Variants in TLN2 observed in about 807,000 individuals in gnomAD.
The protein encoded by TLN2 is talin-2.
Under a neutral mutation model 294.7 loss-of-function variants are expected in TLN2, and 118 were observed. The ratio of observed to expected loss-of-function variants is 0.40; its 90% CI spans 0.34 to 0.47. The LOEUF is 0.47. Ranked by LOEUF, TLN2 falls within the 20% of genes least tolerant of loss-of-function variation. The pLI, the probability that TLN2 is intolerant of heterozygous loss-of-function variation, is 0.84. For synonymous variants in TLN2, 1,431 were observed against 1,304.5 expected, an observed-to-expected ratio of 1.10 and a Z score of -2.09; for missense variants, 3,083 against 3,282.2, an observed-to-expected ratio of 0.94 and a Z score of 1.48.
intron 34 of TLN2, 101 bp downstream of exon 34, chr15:62,750,592 G>T: frequency 2.0e-6 from 2 of 991,022 alleles, no homozygotes; most frequent in Admixed American, 3.5e-5. Context: ...CTGGTCTGCA[G>T]GGCTAGCCAC....
chr15:62,713,271 C>CAA (rs541064329), intron 22 of TLN2, among the ~76,000 whole-genome samples: 4,725 of 110,758 alleles, frequency 0.043, 200 homozygotes, highest in Admixed American at 0.1. Context: ...ACCTGCGTCT[C>CAA]AAAAAAAAAA....
intron 1 of TLN2, among the ~76,000 whole-genome samples, chr15:62,419,223 T>A (rs1267142485): frequency 6.6e-6 from 1 of 152,248 alleles, no homozygotes; most frequent in Middle Eastern, 3.2e-3. Flanking sequence ...TTTAGATATA[T>A]TGAGTTAAAT....
chr15:62,727,046 C>G, intron 27 of TLN2, 41 bp from the exon 28 acceptor site: 1 of 1,600,394 alleles, frequency 6.2e-7, no homozygotes, highest in Admixed American at 1.7e-5. Context: ...GCAGATGTTC[C>G]TTTTCTTCTA....
At chr15:62,648,156 C>G (rs958365909) in intron 4 of TLN2, among the ~76,000 whole-genome samples, 1 of 152,038 alleles carries the variant, frequency 6.6e-6, no homozygotes, top group African/African-American at 2.4e-5. Flanking sequence ...CATGGTGGCT[C>G]ACACCTGTAA....
At chr15:62,407,865 A>C (rs2033509877) in intron 1 of TLN2, among the ~76,000 whole-genome samples, 1 of 152,112 alleles carries the variant, frequency 6.6e-6, no homozygotes, top group South Asian at 2.1e-4. Context: ...TGGTGAGCTA[A>C]GATCACACCA....
intron 1 of TLN2, among the ~76,000 whole-genome samples, chr15:62,470,083 CAGA>C (rs1250691797): frequency 2.0e-5 from 3 of 152,190 alleles, no homozygotes; most frequent in African/African-American, 7.2e-5. Flanking sequence ...CTGCCAATTC[CAGA>C]AGGACAAAGG....
intron 52 of TLN2, 61 bp from the exon 53 acceptor site, chr15:62,819,455 T>G (rs957125919): frequency 5.0e-6 from 7 of 1,406,704 alleles, no homozygotes; most frequent in African/African-American, 1.4e-5. Context: ...AGGAGTGTGC[T>G]TCTTTCCTGT....
Position 62,844,497 on chromosome 15 carries a change from C to T in TLN2, c.*3887C>T, listed in dbSNP as rs1460377437. 1 of 152,124 alleles carries T rather than the reference C, an allele frequency of 6.6e-6. No homozygotes were observed. Among genetic ancestry groups the T allele is most frequent in the Non-Finnish European group, 1.5e-5 (1 of 68,068 alleles). 9.4% of individuals were successfully genotyped at this position (152,124 alleles called of 1,614,324 possible). A position where few individuals can be genotyped will look rare whatever the true frequency, so the allele number is the denominator to read the frequency against. On this transcript the variant is annotated 3_prime_UTR_variant, in exon 59 of 59. Coordinates refer to ENST00000636159, the MANE Select transcript of TLN2 (RefSeq NM_015059.3). ...CTGGGTCTCATTCAGCGGCCTCTCACCAACCTTCAAGATCCAGAAGAAAAC... is the reference window on the plus strand; with the variant it reads ...CTGGGTCTCATTCAGCGGCCTCTCATCAACCTTCAAGATCCAGAAGAAAAC...
intron 36 of TLN2, chr15:62,754,137 A>G: frequency 1.9e-6 from 1 of 519,584 alleles, no homozygotes; most frequent in Non-Finnish European, 3.2e-6. Context: ...CCAGAAGGCA[A>G]AAGGAGTGAA....
chr15:62,534,401 T>C (rs753701823), intron 1 of TLN2, among the ~76,000 whole-genome samples: 114 of 152,190 alleles, frequency 7.5e-4, no homozygotes, highest in Admixed American at 2.3e-3. Flanking sequence ...CTCAATTTAA[T>C]TTGCTAGAAC....
chr15:62,430,085 A>G (rs1439871175), intron 1 of TLN2, among the ~76,000 whole-genome samples: 1 of 152,240 alleles, frequency 6.6e-6, no homozygotes, highest in East Asian at 1.9e-4. Context: ...GAATGTATAT[A>G]TAAGTGTACA....
At chr15:62,725,772 C>G (rs914574908) in intron 27 of TLN2, among the ~76,000 whole-genome samples, 1 of 152,168 alleles carries the variant, frequency 6.6e-6, no homozygotes, top group Non-Finnish European at 1.5e-5. Context: ...AGTTTGTCAC[C>G]GTTCTGTCCA....
Position 62,739,438 on chromosome 15 carries a change from C to T in TLN2, c.3778C>T (p.His1260Tyr), listed in dbSNP as rs1414818378. 1.2e-6 allele frequency: 2 copies of T among 1,614,166 alleles called. No homozygotes were observed. Among genetic ancestry groups the T allele is most frequent in the South Asian group, 2.2e-5 (2 of 91,084 alleles). ...GAACCAGTCTGCTGGGGAAGTGGTC[C>T]ATGCCACCCGGGGCCAGAGTGGAGA... Reference protein sequence around the residue: ...DLNQSAGEVVHATRGQSGELA... With the variant: ...DLNQSAGEVVYATRGQSGELA... The change falls in exon 31 of 59, where the codon CAT (histidine) becomes TAT (tyrosine). Residue 1260 changes from histidine to tyrosine, a missense_variant. Transcript: ENST00000636159.
chr15:62,697,544 A>T, intron 14 of TLN2, 144 bp from the exon 15 acceptor site: 2 of 829,018 alleles, frequency 2.4e-6, no homozygotes, highest in Non-Finnish European at 1.8e-6. Flanking sequence ...CCACTTCTTC[A>T]TTCCTGCTTC....
At chr15:62,786,673 GAT>G (rs202136396) in intron 45 of TLN2, among the ~76,000 whole-genome samples, 21,796 of 152,106 alleles carry the variant, frequency 0.14, 1,594 homozygotes, top group East Asian at 0.19. Flanking sequence ...TTGTTAAGAT[GAT>G]TTGTGAGAAC....
intron 1 of TLN2, among the ~76,000 whole-genome samples, chr15:62,424,782 A>G (rs1458865972): frequency 1.3e-5 from 2 of 151,626 alleles, no homozygotes. Context: ...CCTCCTGAGT[A>G]GCAGGGACCA....
At chr15:62,562,936 A>G (rs2043088242) in intron 1 of TLN2, among the ~76,000 whole-genome samples, 1 of 148,286 alleles carries the variant, frequency 6.7e-6, no homozygotes, top group Admixed American at 6.9e-5. Context: ...ACACACACAC[A>G]CACACACACA....
At chr15:62,641,638 A>T (rs2051120505) in intron 3 of TLN2, among the ~76,000 whole-genome samples, 1 of 124,766 alleles carries the variant, frequency 8.0e-6, no homozygotes, top group Non-Finnish European at 1.7e-5. Flanking sequence ...AAAAATAAAA[A>T]AAAAATAATA....
chr15:62,679,164 C>T (rs2056555843), intron 11 of TLN2, among the ~76,000 whole-genome samples: 1 of 151,894 alleles, frequency 6.6e-6, no homozygotes, highest in Non-Finnish European at 1.5e-5. Flanking sequence ...ACCCCCATAA[C>T]CTGCTGGTGG....
Sources: allele counts gnomAD v4.1 joint callset (sites outside exome capture counted in the v4.1 genomes callset), GRCh38; gene constraint gnomAD v4.1.1; transcripts MANE v1.5; gene names NCBI Gene and HGNC (gene_info 2026-07-23, HGNC 2026-07-21).